KCNH1: variants seen among roughly 807,000 people sequenced by gnomAD.
KCNH1 encodes the protein potassium voltage-gated channel subfamily H member 1.
KCNH1 carries 27 observed loss-of-function variants against 69.2 expected under a neutral mutation model. The ratio of observed to expected loss-of-function variants is 0.39; its 90% CI spans 0.29 to 0.54. The LOEUF (loss-of-function observed/expected upper bound fraction) is 0.54. Ranked by LOEUF, KCNH1 falls within the 20% of genes least tolerant of loss-of-function variation. The pLI is 0.68. For synonymous variants in KCNH1, 456 were observed against 487.7 expected (o/e 0.93, Z 0.86); for missense variants, 798 against 1,261.6 (o/e 0.63, Z 5.57).
chr1:211,020,525 G>A (rs1689570146), intron 5 of KCNH1, among the ~76,000 whole-genome samples: 1 of 151,732 alleles, frequency 6.6e-6, no homozygotes, highest in African/African-American at 2.4e-5. Flanking sequence ...GAAAAGCCCA[G>A]GACCAGATGG....
rs1255017600 is a variant in KCNH1 at position 210,824,971 on chromosome 1, A to G, written c.1463-20805T>C. ...AAAATCACATTTATTAAAATCACCAATCTTATAAAAAGTCTTTTTATTGGA... is the reference window on the plus strand; with the variant it reads ...AAAATCACATTTATTAAAATCACCAGTCTTATAAAAAGTCTTTTTATTGGA... On this transcript the variant is annotated intron_variant, in intron 7 of 10. Transcript: ENST00000271751. Among the ~76,000 whole-genome samples the G allele has an allele frequency of 2.0e-5, 3 of 152,204 alleles. No homozygotes were observed. The East Asian group carries it at 5.8e-4, about 29-fold the overall frequency.
chr1:211,045,041 G>GATATAGAGATATATATATATATAT (rs1690067982), intron 5 of KCNH1, among the ~76,000 whole-genome samples: 1 of 81,718 alleles, frequency 1.2e-5, no homozygotes. Flanking sequence ...AATTGTGGGG[G>GATATAGAGATATATATATATATAT]ATATATATAT....
At chr1:210,975,735 C>A (rs994557611) in intron 6 of KCNH1, among the ~76,000 whole-genome samples, 16 of 152,074 alleles carry the variant, frequency 1.1e-4, no homozygotes, top group African/African-American at 2.2e-4. Flanking sequence ...GCAACAAAAG[C>A]CAAAATTGAC....
At chr1:210,841,476 A>G (rs952633472) in intron 7 of KCNH1, among the ~76,000 whole-genome samples, 4 of 152,190 alleles carry the variant, frequency 2.6e-5, no homozygotes, top group Non-Finnish European at 4.4e-5. Context: ...TGGGAAAAAT[A>G]ATTAATTGCG....
chr1:210,852,212 C>T (rs1685721073), intron 7 of KCNH1, among the ~76,000 whole-genome samples: 1 of 152,058 alleles, frequency 6.6e-6, no homozygotes, highest in South Asian at 2.1e-4. Context: ...AAGGGGGATT[C>T]CAGGCTGACG....
intron 3 of KCNH1, among the ~76,000 whole-genome samples, chr1:211,097,318 A>G (rs1262663583): frequency 6.6e-6 from 1 of 152,110 alleles, no homozygotes; most frequent in African/African-American, 2.4e-5. Context: ...TACCAAAAGG[A>G]AAAAAAGGAA....
chr1:210,810,835 T>A, intron 7 of KCNH1, among the ~76,000 whole-genome samples: 1 of 152,220 alleles, frequency 6.6e-6, no homozygotes, highest in Non-Finnish European at 1.5e-5. Flanking sequence ...CTTAGAAATA[T>A]ATGGTAATCC....
intron 6 of KCNH1, among the ~76,000 whole-genome samples, chr1:210,950,488 G>A (rs1688045706): frequency 6.7e-6 from 1 of 149,034 alleles, no homozygotes; most frequent in African/African-American, 2.5e-5. Context: ...TTGTTCTTGC[G>A]ATAGTTTACT....
chr1:211,013,719 G>A (rs1274902860), intron 6 of KCNH1, among the ~76,000 whole-genome samples: 1 of 152,224 alleles, frequency 6.6e-6, no homozygotes, highest in Non-Finnish European at 1.5e-5. Context: ...GAAGGTTAGA[G>A]CTGGGATGGG....
intron 1 of KCNH1, among the ~76,000 whole-genome samples, chr1:211,126,497 G>C (rs12065047): frequency 1.1e-4 from 16 of 145,552 alleles, no homozygotes; most frequent in African/African-American, 4.1e-4. Context: ...GTGACAGAGC[G>C]AGACTCTGTC....
At chr1:211,127,366 G>C (rs571606379) in intron 1 of KCNH1, among the ~76,000 whole-genome samples, 2 of 145,920 alleles carry the variant, frequency 1.4e-5, no homozygotes, top group East Asian at 4.0e-4. Context: ...CATAATCTCT[G>C]TCCCCAGGGT....
chr1:210,890,182 G>C (rs1686715121), intron 7 of KCNH1, among the ~76,000 whole-genome samples: 1 of 152,098 alleles, frequency 6.6e-6, no homozygotes, highest in African/African-American at 2.4e-5. Flanking sequence ...CTCGGTACTG[G>C]TACCAAAACA....
At chr1:210,977,993 A>AT (rs1558550419) in intron 6 of KCNH1, among the ~76,000 whole-genome samples, 1 of 150,756 alleles carries the variant, frequency 6.6e-6, no homozygotes, top group African/African-American at 2.4e-5. Context: ...TTGTTTTATA[A>AT]TTTCTAGCTC....
chr1:211,100,178 A>T (rs1366505441), intron 3 of KCNH1, among the ~76,000 whole-genome samples: 3 of 151,906 alleles, frequency 2.0e-5, no homozygotes, highest in Non-Finnish European at 4.4e-5. Flanking sequence ...CCTCTTTCTA[A>T]AATGAAATCT....
chr1:210,735,131 T>C (rs1397490421), intron 10 of KCNH1, among the ~76,000 whole-genome samples: 6 of 152,136 alleles, frequency 3.9e-5, no homozygotes, highest in Non-Finnish European at 8.8e-5. Context: ...CTGCTCTGGC[T>C]GGAATGCATG....
At chr1:210,786,633 C>T (rs559840219) in intron 9 of KCNH1, among the ~76,000 whole-genome samples, 1 of 152,212 alleles carries the variant, frequency 6.6e-6, no homozygotes, top group South Asian at 2.1e-4. Context: ...CCATGATGTT[C>T]CCTAGATTTT....
chr1:210,765,094 C>T (rs1683599697), intron 10 of KCNH1, among the ~76,000 whole-genome samples: 2 of 152,096 alleles, frequency 1.3e-5, no homozygotes, highest in Non-Finnish European at 1.5e-5. Flanking sequence ...CCTAAGTGAA[C>T]TAATGCACAA....
intron 10 of KCNH1, among the ~76,000 whole-genome samples, chr1:210,774,609 A>C (rs1683825172): frequency 6.6e-6 from 1 of 152,184 alleles, no homozygotes; most frequent in Admixed American, 6.5e-5. Context: ...CTCCAGGTGC[A>C]GAGCTATCTT....
chr1:210,797,461 A>T, intron 9 of KCNH1, 47 bp downstream of exon 9: 1 of 1,597,648 alleles, frequency 6.3e-7, no homozygotes, highest in Non-Finnish European at 8.6e-7. Context: ...CCCAGAAGCT[A>T]AGCCAACCCC....
Sources: allele counts gnomAD v4.1 joint callset (sites outside exome capture counted in the v4.1 genomes callset), GRCh38; gene constraint gnomAD v4.1.1; transcripts MANE v1.5; gene names NCBI Gene and HGNC (gene_info 2026-07-23, HGNC 2026-07-21).